Variants in NCOA1 observed in about 807,000 individuals in gnomAD.
NCOA1 encodes the protein nuclear receptor coactivator 1.
NCOA1 carries 35 observed loss-of-function variants against 150.9 expected under a neutral mutation model. That is an observed-to-expected ratio of 0.23 (90% CI 0.18 to 0.31). NCOA1 has a LOEUF of 0.31. NCOA1 is among the 10% of genes least tolerant of loss of function. NCOA1 has a pLI of 1.00. For missense variants in NCOA1, 1,491 were observed against 1,749.3 expected (o/e 0.85, Z 2.63); for synonymous variants, 590 against 630.0 (o/e 0.94, Z 0.95).
chr2:24,752,260 A>G, intron 20 of NCOA1, 104 bp downstream of exon 20: 2 of 1,335,792 alleles, frequency 1.5e-6, no homozygotes, highest in Non-Finnish European at 2.0e-6. Context: ...ATGTAAAGTG[A>G]AAGAAGGCCG....
Position 24,595,667 on chromosome 2 carries a change from G to A in NCOA1, c.-175+11107G>A, listed in dbSNP as rs1194494226. Among the ~76,000 whole-genome samples the A allele has an allele frequency of 5.3e-5, 8 of 152,144 alleles. No individual in the cohort carries two copies. In the East Asian group the frequency reaches 1.3e-3, roughly 26 times the overall value. Reference sequence around the variant, plus strand: ...AGTTTAATCTTTGTCAAATTAGCAGGGGACACAATGAGGCGTCCTAATTGG... The same window carrying A: ...AGTTTAATCTTTGTCAAATTAGCAGAGGACACAATGAGGCGTCCTAATTGG... On this transcript the variant is annotated intron_variant, in intron 3 of 22. Transcript: ENST00000348332.
intron 4 of NCOA1, among the ~76,000 whole-genome samples, chr2:24,657,220 C>T (rs1445719079): frequency 1.5e-5 from 2 of 129,588 alleles, no homozygotes; most frequent in African/African-American, 2.6e-5. Context: ...GATACTTAAG[C>T]AGGGATGCTT....
chr2:24,734,765 A>C (rs1345746308), intron 17 of NCOA1, among the ~76,000 whole-genome samples: 1 of 152,066 alleles, frequency 6.6e-6, no homozygotes, highest in Non-Finnish European at 1.5e-5. Context: ...TGATTGTGCT[A>C]CTCACTCCAG....
chr2:24,693,124 G>T, intron 9 of NCOA1, 128 bp from the exon 10 acceptor site: 1 of 816,862 alleles, frequency 1.2e-6, no homozygotes, highest in Non-Finnish European at 2.1e-6. Context: ...AAAGTGCTGG[G>T]ATTACAGGCG....
chr2:24,729,700 G>C lies in NCOA1; in HGVS notation c.3086G>C (p.Arg1029Pro). 6.2e-7 allele frequency: 1 copy of C among 1,614,140 alleles called. No homozygotes were observed. Among genetic ancestry groups the C allele is most frequent in the Non-Finnish European group, 8.5e-7 (1 of 1,180,032 alleles). ...ATGCCTGTTCAAGTAACACCTCCCC[G>C]AGGTGCTTTTTCACCTGGCATGGGC... ...GTMPVQVTPP[R>P]GAFSPGMGMQ... Residue 1029 changes from arginine (R) to proline (P), a missense_variant, in exon 17 of 23, where the codon CGA becomes CCA. By Grantham distance (103) the Arg-to-Pro change is moderately radical. Around this residue, in one of 8 missense-constraint regions of NCOA1, gnomAD observed 485 missense variants for 522.8 expected, o/e 0.93. Coordinates refer to ENST00000348332, the MANE Select transcript of NCOA1 (RefSeq NM_003743.5).
At chr2:24,509,704 G>A (rs1027739436) in intron 1 of NCOA1, among the ~76,000 whole-genome samples, 2 of 152,194 alleles carry the variant, frequency 1.3e-5, no homozygotes, top group Non-Finnish European at 1.5e-5. Flanking sequence ...GAACAATGAT[G>A]TCTTGGTTTT....
chr2:24,724,962 TA>T (rs1310374769), intron 14 of NCOA1, among the ~76,000 whole-genome samples: 1 of 152,152 alleles, frequency 6.6e-6, no homozygotes, highest in Non-Finnish European at 1.5e-5. Context: ...ATTTGATTTC[TA>T]TATCATTTGT....
intron 4 of NCOA1, among the ~76,000 whole-genome samples, chr2:24,655,674 C>G (rs1488390506): frequency 6.6e-6 from 1 of 152,052 alleles, no homozygotes; most frequent in Admixed American, 6.6e-5. Context: ...AGGACAAGAC[C>G]GGAAACAGGG....
At chr2:24,684,959 A>G (rs1572589652) in intron 8 of NCOA1, among the ~76,000 whole-genome samples, 1 of 152,288 alleles carries the variant, frequency 6.6e-6, no homozygotes, top group Non-Finnish European at 1.5e-5. Context: ...GAATAATCAA[A>G]GTATTAGAAA....
Position 24,753,526 on chromosome 2 carries a change from G to GT in NCOA1, c.3881+1371dup, listed in dbSNP as rs1466701688. Among the ~76,000 whole-genome samples the GT allele has an allele frequency of 6.0e-4, 92 of 152,256 alleles. No homozygotes were observed. In the Middle Eastern group the frequency reaches 0.017, roughly 28 times the overall value. ...TCATTCCCATCATTCCACAGAAAGTGTCCCTGTCAAGATAGTTAAATGTCC... is the reference window on the plus strand; with the variant it reads ...TCATTCCCATCATTCCACAGAAAGTGTTCCCTGTCAAGATAGTTAAATGTCC... On this transcript the variant is annotated intron_variant, in intron 20 of 22. Transcript: ENST00000348332.
intron 1 of NCOA1, among the ~76,000 whole-genome samples, chr2:24,563,540 C>T (rs1470943230): frequency 6.7e-6 from 1 of 149,940 alleles, no homozygotes; most frequent in Non-Finnish European, 1.5e-5. Context: ...TTTTTTGAGA[C>T]AAGATCTCAC....
chr2:24,743,417 A>G (rs542173021), intron 19 of NCOA1, among the ~76,000 whole-genome samples: 83 of 152,344 alleles, frequency 5.4e-4, no homozygotes, highest in African/African-American at 1.9e-3. Context: ...GCCAGAGAGC[A>G]CCAGAACTCT....
At chr2:24,584,208 TAAAA>T (rs201472368) in intron 2 of NCOA1, among the ~76,000 whole-genome samples, 1 of 152,170 alleles carries the variant, frequency 6.6e-6, no homozygotes, top group African/African-American at 2.4e-5. Context: ...TTTCAAATGA[TAAAA>T]AAGAAGTATT....
intron 1 of NCOA1, among the ~76,000 whole-genome samples, chr2:24,496,467 T>G (rs879768303): frequency 4.6e-5 from 7 of 152,238 alleles, no homozygotes; most frequent in Admixed American, 3.9e-4. Flanking sequence ...TTCCTTTATG[T>G]TCTCGTGACC....
At chr2:24,754,337 A>T (rs1664397491) in intron 20 of NCOA1, among the ~76,000 whole-genome samples, 1 of 151,858 alleles carries the variant, frequency 6.6e-6, no homozygotes, top group South Asian at 2.1e-4. Context: ...GGCCCGTAAA[A>T]CCCCACATCA....
At position 24,726,570 on chromosome 2, in the gene NCOA1, CCTTTT is replaced by C; in HGVS notation, c.2600-15_2600-11del. The C allele has an allele frequency of 6.6e-7, 1 of 1,526,516 alleles. No homozygotes were observed. The highest frequency in any genetic ancestry group is 2.3e-5 in the East Asian group (1 of 44,042). The allele number at this position is 1,526,516 out of a possible 1,614,324, so 94.6% of individuals were successfully genotyped here. ...CCTCCACTGAGATAATGACTTCTTACCTTTTCTTCTTAAATCAGGATTACCTGAGC... is the reference window on the plus strand; with the variant it reads ...CCTCCACTGAGATAATGACTTCTTACCTTCTTAAATCAGGATTACCTGAGC... On this transcript the variant is annotated splice_polypyrimidine_tract_variant and intron_variant, in intron 14 of 22. Transcript: ENST00000348332.
intron 1 of NCOA1, chr2:24,491,838 GA>G (rs1662974201): frequency 6.6e-6 from 1 of 151,846 alleles, no homozygotes; most frequent in South Asian, 2.1e-4. Flanking sequence ...CCCGCCGGGG[GA>G]AATCGCTGCA....
intron 1 of NCOA1, among the ~76,000 whole-genome samples, chr2:24,520,275 A>G (rs932884329): frequency 1.3e-5 from 2 of 152,220 alleles, no homozygotes; most frequent in African/African-American, 4.8e-5. Context: ...ATGAAAGCAT[A>G]TGTCCATATA....
intron 6 of NCOA1, among the ~76,000 whole-genome samples, chr2:24,670,380 A>G (rs558170201): frequency 2.0e-5 from 3 of 152,352 alleles, no homozygotes; most frequent in African/African-American, 7.2e-5. Flanking sequence ...ATGAATGTTC[A>G]CAAAAACATT....
Sources: gnomAD v4.1 joint callset for allele counts (sites outside exome capture counted in the v4.1 genomes callset) on GRCh38, gnomAD v4.1.1 for gene constraint, gnomAD v4.1.1 regional missense constraint, MANE v1.5 for transcripts, NCBI Gene and HGNC (gene_info 2026-07-23, HGNC 2026-07-21) for gene names.